LUZP2: variants seen among roughly 807,000 people sequenced by gnomAD.
LUZP2 encodes the protein leucine zipper protein 2.
In LUZP2, 52 loss-of-function variants were observed where a neutral mutation model predicts 51.6. The observed-to-expected ratio is 1.01, with a 90% CI of 0.81 to 1.27. LUZP2 has a LOEUF of 1.27. Ranked by LOEUF, LUZP2 falls within the 50% of genes most tolerant of loss-of-function variation. The pLI is 0.00. For missense variants in LUZP2, 436 were observed against 395.4 expected (o/e 1.10, Z -0.87); for synonymous variants, 154 against 137.3 (o/e 1.12, Z -0.85).
chr11:24,993,312 A>G (rs1856405601), intron 9 of LUZP2, among the ~76,000 whole-genome samples: 1 of 152,164 alleles, frequency 6.6e-6, no homozygotes, highest in Non-Finnish European at 1.5e-5. Context: ...CAACTATTAC[A>G]TTAAAAAAGA....
At chr11:24,602,606 G>A (rs2133869957) in intron 1 of LUZP2, among the ~76,000 whole-genome samples, 1 of 151,576 alleles carries the variant, frequency 6.6e-6, no homozygotes, top group Non-Finnish European at 1.5e-5. Context: ...GATATCATGT[G>A]TTGAATTTTG....
At chr11:24,572,245 A>C (rs891321192) in intron 1 of LUZP2, among the ~76,000 whole-genome samples, 4 of 151,942 alleles carry the variant, frequency 2.6e-5, no homozygotes, top group African/African-American at 7.2e-5. Flanking sequence ...ACACTGTAAA[A>C]ATTTATTTTA....
At chr11:24,571,874 A>G (rs1018378986) in intron 1 of LUZP2, among the ~76,000 whole-genome samples, 1 of 152,084 alleles carries the variant, frequency 6.6e-6, no homozygotes, top group Non-Finnish European at 1.5e-5. Context: ...CTATAATATT[A>G]CATAACCCCA....
intron 7 of LUZP2, among the ~76,000 whole-genome samples, chr11:24,944,097 G>T (rs1854836360): frequency 6.6e-6 from 1 of 152,048 alleles, no homozygotes; most frequent in African/African-American, 2.4e-5. Flanking sequence ...TAAGGCAATG[G>T]TATCTGTATT....
intron 5 of LUZP2, chr11:24,891,374 A>G: frequency 6.5e-6 from 6 of 929,356 alleles, no homozygotes; most frequent in Non-Finnish European, 7.7e-6. Context: ...ATACACATAT[A>G]TACACTATGT....
chr11:24,848,418 T>C (rs1204160189), intron 5 of LUZP2, among the ~76,000 whole-genome samples: 1 of 152,186 alleles, frequency 6.6e-6, no homozygotes, highest in African/African-American at 2.4e-5. Context: ...GATAGCCACC[T>C]CATTACCTCT....
chr11:24,508,805 A>C (rs1224108346), intron 1 of LUZP2, among the ~76,000 whole-genome samples: 1 of 152,158 alleles, frequency 6.6e-6, no homozygotes, highest in African/African-American at 2.4e-5. Context: ...TCAGTGCCTT[A>C]TGAAGTGCTT....
chr11:25,006,298 C>A (rs1479510402), intron 9 of LUZP2, among the ~76,000 whole-genome samples: 7 of 152,018 alleles, frequency 4.6e-5, no homozygotes, highest in Non-Finnish European at 7.4e-5. Flanking sequence ...GCATTAGGAC[C>A]CAGGAGCCAA....
chr11:24,755,613 C>G (rs755293744), intron 4 of LUZP2, among the ~76,000 whole-genome samples: 1 of 152,136 alleles, frequency 6.6e-6, no homozygotes, highest in Non-Finnish European at 1.5e-5. Context: ...TCTCAGCCAA[C>G]GGGATTCCAA....
At position 24,729,163 on chromosome 11, in the gene LUZP2, T is replaced by G. The variant is rs1340002999; in HGVS notation, c.63-6T>G. 2 of 1,501,226 alleles carry G rather than the reference T, an allele frequency of 1.3e-6. No individual in the cohort carries two copies. The highest frequency in any genetic ancestry group is 1.9e-5 in the Admixed American group (1 of 53,394). 93.0% of individuals were successfully genotyped at this position (1,501,226 alleles called of 1,614,324 possible). ...GGGGCTCTCATGCCTGTTCTTTCTG[T>G]GTTAGACAGGACTATGAAGAGCTAG... On this transcript the variant is annotated splice_region_variant and splice_polypyrimidine_tract_variant and intron_variant, in intron 1 of 11. Transcript: ENST00000336930.
chr11:24,572,103 G>A (rs1509590), intron 1 of LUZP2, among the ~76,000 whole-genome samples: 90,290 of 151,514 alleles, frequency 0.6, 27,491 homozygotes, highest in East Asian at 0.8. Context: ...AGATATATGG[G>A]ACGGAAGCCC....
chr11:24,661,430 A>G (rs1043785409), intron 1 of LUZP2, among the ~76,000 whole-genome samples: 2 of 152,182 alleles, frequency 1.3e-5, no homozygotes, highest in African/African-American at 4.8e-5. Flanking sequence ...TAAAACAATT[A>G]TCATCTTTAT....
intron 7 of LUZP2, among the ~76,000 whole-genome samples, chr11:24,971,412 G>C (rs1040090859): frequency 6.6e-6 from 1 of 152,064 alleles, no homozygotes; most frequent in African/African-American, 2.4e-5. Flanking sequence ...TTTACCTCCT[G>C]CTGTGCTGCC....
At position 24,951,181 on chromosome 11, in the gene LUZP2, T is replaced by A. The variant is rs561230984; in HGVS notation, c.523-25410T>A. Among the ~76,000 whole-genome samples, 11 of 151,732 alleles carry A rather than the reference T, an allele frequency of 7.2e-5. No homozygotes were observed. In the South Asian group the frequency reaches 2.3e-3, roughly 31 times the overall value. ...TAATTACTGAATGCTGGGTATCAGG[T>A]GTATGGGTACCAACTGCCAAATACT... On this transcript the variant is annotated intron_variant, in intron 7 of 11. Coordinates refer to ENST00000336930, the MANE Select transcript of LUZP2 (RefSeq NM_001009909.4).
In LUZP2 at chr11:24,673,265, A is replaced by G. The variant is rs1211545232; in HGVS notation, c.63-55904A>G. The stretch of plus-strand genomic sequence containing the variant: ...TACAGTATTATAATATTATGGAAGC[A>G]CTGTCATATATCTGGTTATATCTGG... On this transcript the variant is annotated intron_variant, in intron 1 of 11. Coordinates refer to ENST00000336930, the MANE Select transcript of LUZP2 (RefSeq NM_001009909.4). Among the ~76,000 whole-genome samples the G allele has an allele frequency of 2.0e-5, 3 of 152,186 alleles. No homozygotes were observed. In the East Asian group the frequency reaches 5.8e-4, roughly 29 times the overall value.
At chr11:24,626,881 A>G (rs1020316548) in intron 1 of LUZP2, among the ~76,000 whole-genome samples, 2 of 152,212 alleles carry the variant, frequency 1.3e-5, no homozygotes, top group Non-Finnish European at 2.9e-5. Context: ...CCAAAATGGT[A>G]TGTCACAAAA....
intron 1 of LUZP2, among the ~76,000 whole-genome samples, chr11:24,690,458 T>C (rs1326521654): frequency 6.6e-6 from 1 of 152,162 alleles, no homozygotes; most frequent in Non-Finnish European, 1.5e-5. Context: ...TATTTTATGG[T>C]CCTGAGAAGT....
rs112974955 is a variant in LUZP2, at chr11:24,649,372, A to G, written c.63-79797A>G. 2.6e-3 allele frequency among the ~76,000 whole-genome samples: 393 copies of G among 152,100 alleles called. 2 individuals are homozygous for G. Among genetic ancestry groups the G allele is most frequent in the African/African-American group, 9.2e-3 (381 of 41,554 alleles). ...TATGCTGCTCCTTCAAACTTGGAACATATTTTCAATCTGTACAAGCCTCCT... is the reference window on the plus strand; with the variant it reads ...TATGCTGCTCCTTCAAACTTGGAACGTATTTTCAATCTGTACAAGCCTCCT... On this transcript the variant is annotated intron_variant, in intron 1 of 11. Transcript: ENST00000336930.
chr11:24,566,701 ATG>A (rs200559271), intron 1 of LUZP2, among the ~76,000 whole-genome samples: 2,054 of 146,252 alleles, frequency 0.014, 42 homozygotes, highest in South Asian at 0.059. Context: ...TCACTAGGTA[ATG>A]TGTGTGTGTA....
Sources: gnomAD v4.1 joint callset for allele counts (sites outside exome capture counted in the v4.1 genomes callset) on GRCh38, gnomAD v4.1.1 for gene constraint, MANE v1.5 for transcripts, NCBI Gene and HGNC (gene_info 2026-07-23, HGNC 2026-07-21) for gene names.